Variants in ALMS1 observed in about 807,000 individuals in gnomAD.
ALMS1 encodes ALMS1 centrosome and basal body associated protein.
A neutral mutation model predicts 352.2 loss-of-function variants in ALMS1; 271 were observed. The ratio of observed to expected loss-of-function variants is 0.77; its 90% CI spans 0.70 to 0.85. The LOEUF is 0.85. ALMS1 is among the 40% of genes least tolerant of loss of function. ALMS1 has a pLI of 0.00. For synonymous variants in ALMS1, 1,865 were observed against 1,761.2 expected (o/e 1.06, Z -1.48); for missense variants, 5,445 against 4,870.7 (o/e 1.12, Z -3.51).
chr2:73,403,887 G>A (rs1396087586), intron 1 of ALMS1, among the ~76,000 whole-genome samples: 2 of 151,862 alleles, frequency 1.3e-5, no homozygotes, highest in Non-Finnish European at 2.9e-5. Context: ...TGTATCCTGC[G>A]GCTTTACTGG....
intron 1 of ALMS1, among the ~76,000 whole-genome samples, chr2:73,395,073 TATATA>T (rs1315084390): frequency 1.8e-3 from 197 of 110,690 alleles, no homozygotes; most frequent in African/African-American, 3.8e-3. Flanking sequence ...TATATATATA[TATATA>T]TTTTTTTTTT....
chr2:73,598,790 A>T (rs1675607358), intron 16 of ALMS1, among the ~76,000 whole-genome samples: 2 of 152,200 alleles, frequency 1.3e-5, no homozygotes, highest in South Asian at 4.1e-4. Context: ...TTGTTCAGCT[A>T]TATCTTGTTA....
At chr2:73,460,044 G>C (rs1448764374) in intron 9 of ALMS1, among the ~76,000 whole-genome samples, 1 of 152,006 alleles carries the variant, frequency 6.6e-6, no homozygotes, top group Non-Finnish European at 1.5e-5. Flanking sequence ...GGTTATTCTA[G>C]CCTTTTTTTC....
At chr2:73,389,711 A>G (rs1301404103) in intron 1 of ALMS1, among the ~76,000 whole-genome samples, 2 of 151,924 alleles carry the variant, frequency 1.3e-5, no homozygotes, top group African/African-American at 4.8e-5. Context: ...CCCCGCCGAG[A>G]TGAAGTCTTG....
intron 21 of ALMS1, among the ~76,000 whole-genome samples, chr2:73,608,180 T>TA (rs1281034700): frequency 6.6e-6 from 1 of 152,190 alleles, no homozygotes; most frequent in Non-Finnish European, 1.5e-5. Context: ...GAGCAGAAAG[T>TA]AGAAGTTCAG....
intron 2 of ALMS1, among the ~76,000 whole-genome samples, chr2:73,411,296 A>G (rs1671071094): frequency 6.6e-6 from 1 of 152,046 alleles, no homozygotes; most frequent in Admixed American, 6.6e-5. Context: ...TCCAGAAGGT[A>G]GAAGTAGCAA....
intron 16 of ALMS1, among the ~76,000 whole-genome samples, chr2:73,592,376 G>A (rs528353527): frequency 9.8e-5 from 15 of 152,304 alleles, no homozygotes; most frequent in Admixed American, 2.6e-4. Context: ...CTTGGTCATT[G>A]TGTCACCCCT....
At chr2:73,471,321 T>TA (rs1285957526) in intron 9 of ALMS1, among the ~76,000 whole-genome samples, 1 of 151,032 alleles carries the variant, frequency 6.6e-6, no homozygotes, top group East Asian at 1.9e-4. Context: ...GAAAGCAATT[T>TA]AAAAAAATAG....
At chr2:73,609,118 G>A (rs763156685) in intron 22 of ALMS1, among the ~76,000 whole-genome samples, 4 of 152,196 alleles carry the variant, frequency 2.6e-5, no homozygotes, top group African/African-American at 9.7e-5. Context: ...AAACCAGACC[G>A]GCTCCTATGC....
intron 9 of ALMS1, among the ~76,000 whole-genome samples, chr2:73,465,853 A>T (rs564524623): frequency 1.3e-5 from 2 of 152,378 alleles, no homozygotes; most frequent in South Asian, 2.1e-4. Context: ...TCAAAAGAAG[A>T]CATTTATGCA....
intron 6 of ALMS1, among the ~76,000 whole-genome samples, chr2:73,427,325 G>A (rs138533122): frequency 3.3e-5 from 5 of 152,244 alleles, no homozygotes; most frequent in African/African-American, 9.6e-5. Flanking sequence ...AGTGCTTAAC[G>A]TCCAAACTGG....
intron 9 of ALMS1, among the ~76,000 whole-genome samples, chr2:73,482,227 C>G (rs1462568512): frequency 6.6e-6 from 1 of 152,124 alleles, no homozygotes; most frequent in Non-Finnish European, 1.5e-5. Context: ...TCATAGATAA[C>G]TCTTATTATT....
At chr2:73,421,836 C>G (rs1240578402) in intron 3 of ALMS1, among the ~76,000 whole-genome samples, 1 of 152,114 alleles carries the variant, frequency 6.6e-6, no homozygotes. Flanking sequence ...TCAGGGGGAA[C>G]AGTAATGTGA....
chr2:73,414,475 T>TTGTTTTTTTTGG (rs1671142717), intron 2 of ALMS1, among the ~76,000 whole-genome samples: 1 of 73,988 alleles, frequency 1.4e-5, no homozygotes, highest in Non-Finnish European at 2.3e-5. Flanking sequence ...TTTTTTCCGT[T>TTGTTTTTTTTGG]TTTTTTTTTT....
rs886056304 is a variant in ALMS1, at chr2:73,452,307, G to A, written c.5780G>A (p.Gly1927Asp). The A allele has an allele frequency of 6.2e-7, 1 of 1,613,988 alleles. No homozygotes were observed. Among genetic ancestry groups the A allele is most frequent in the South Asian group, 1.1e-5 (1 of 91,078 alleles). ...AATGTTTTTGTTGTTCCTGGACAAG[G>A]TGACCGGAAGACTGAGATACCAACA... The part of the protein sequence containing the change: ...ALNVFVVPGQ[G>D]DRKTEIPTVP... Residue 1927 changes from glycine to aspartate, a missense_variant, in exon 8 of 23, where the codon GGT (glycine) becomes GAT (aspartate). By Grantham distance (94) the Gly-to-Asp change is moderately conservative. Transcript: ENST00000613296.
At position 73,584,677 on chromosome 2, in the gene ALMS1, G is replaced by A. The variant is rs1469670670; in HGVS notation, c.11547+11253G>A. Among the ~76,000 whole-genome samples, 3 of 152,132 alleles carry A rather than the reference G, an allele frequency of 2.0e-5. No homozygotes were observed. The East Asian group carries it at 5.8e-4, about 29-fold the overall frequency. The stretch of plus-strand genomic sequence containing the variant: ...GTTTGGAGGGAACAGGTGGTTTTTG[G>A]TTACATGGATAAGTTGTTTACTGGT... On this transcript the variant is annotated intron_variant, in intron 16 of 22. Transcript: ENST00000613296.
At chr2:73,600,308 C>A (rs1573053013) in intron 17 of ALMS1, among the ~76,000 whole-genome samples, 1 of 152,116 alleles carries the variant, frequency 6.6e-6, no homozygotes, top group South Asian at 2.1e-4. Flanking sequence ...TTGTTTCTTC[C>A]CCTCAAATCC....
chr2:73,589,456 C>T (rs749048609), intron 16 of ALMS1, among the ~76,000 whole-genome samples: 4 of 152,054 alleles, frequency 2.6e-5, no homozygotes, highest in Non-Finnish European at 5.9e-5. Flanking sequence ...GTTCATGACC[C>T]CTCTTTTTAA....
chr2:73,396,245 G>A (rs1225159939), intron 1 of ALMS1, among the ~76,000 whole-genome samples: 1 of 151,870 alleles, frequency 6.6e-6, no homozygotes, highest in East Asian at 1.9e-4. Context: ...CCAGCCTTGT[G>A]AAAATAACTC....
Sources: gnomAD v4.1 joint callset for allele counts (sites outside exome capture counted in the v4.1 genomes callset) on GRCh38, gnomAD v4.1.1 for gene constraint, MANE v1.5 for transcripts, NCBI Gene and HGNC (gene_info 2026-07-23, HGNC 2026-07-21) for gene names.